Variants in ZFHX3 observed in about 807,000 individuals in gnomAD.
ZFHX3 encodes the protein zinc finger homeobox protein 3.
A neutral mutation model predicts 279.1 loss-of-function variants in ZFHX3; 42 were observed. The ratio of observed to expected loss-of-function variants is 0.15; its 90% CI spans 0.12 to 0.19. ZFHX3 has a LOEUF of 0.19. ZFHX3 is among the 10% of genes least tolerant of loss of function. The pLI, the probability that ZFHX3 is intolerant of heterozygous loss-of-function variation, is 1.00. For missense variants in ZFHX3, 4,981 were observed against 4,754.0 expected (o/e 1.05, Z -1.40); for synonymous variants, 2,293 against 1,957.8 (o/e 1.17, Z -4.52).
intron 2 of ZFHX3, among the ~76,000 whole-genome samples, chr16:73,588,966 A>T (rs1289165709): frequency 1.3e-5 from 2 of 151,938 alleles, no homozygotes; most frequent in African/African-American, 2.4e-5. Context: ...AATTGATTTT[A>T]AAAAATGACC....
intron 1 of ZFHX3, among the ~76,000 whole-genome samples, chr16:73,740,468 C>T (rs1029223092): frequency 5.9e-5 from 9 of 152,016 alleles, no homozygotes; most frequent in African/African-American, 2.2e-4. Flanking sequence ...TTCCTCTAGC[C>T]CAGATCCGTC....
intron 2 of ZFHX3, among the ~76,000 whole-genome samples, chr16:73,617,114 A>G (rs139204565): frequency 6.6e-6 from 1 of 152,328 alleles, no homozygotes; most frequent in African/African-American, 2.4e-5. Flanking sequence ...AAATGCACAG[A>G]GTTCTTTCTG....
chr16:73,498,325 T>C (rs891077790), intron 2 of ZFHX3, among the ~76,000 whole-genome samples: 2 of 152,210 alleles, frequency 1.3e-5, no homozygotes, highest in Admixed American at 6.5e-5. Flanking sequence ...ATGTGGGAGC[T>C]TTCTGGAATG....
chr16:73,764,105 C>T (rs1368489357), intron 1 of ZFHX3, among the ~76,000 whole-genome samples: 1 of 152,184 alleles, frequency 6.6e-6, no homozygotes, highest in Non-Finnish European at 1.5e-5. Context: ...TTTTAAGTCA[C>T]TACATCTGTG....
rs186016614 is a variant in ZFHX3 at position 73,382,563 on chromosome 16, G to T, written c.-1290-64227C>A. ...CTGCTGTGTGGGGAATGGATTGTGG[G>T]GGGGCAGGAGGTAATCAGGAAACCA... On this transcript the variant is annotated intron_variant, in intron 3 of 17. Coordinates refer to the ZFHX3 transcript ENST00000641206. Among the ~76,000 whole-genome samples the T allele has an allele frequency of 2.3e-3, 346 of 152,286 alleles. 1 individual carries two copies. The highest frequency in any genetic ancestry group is 3.7e-3 in the Non-Finnish European group (250 of 68,016).
intron 2 of ZFHX3, among the ~76,000 whole-genome samples, chr16:73,637,498 G>C (rs1184479537): frequency 6.6e-6 from 1 of 152,036 alleles, no homozygotes; most frequent in East Asian, 1.9e-4. Flanking sequence ...CTCCCAAAGT[G>C]CTTGGATTAC....
chr16:73,478,264 CAAAAAAAAAAAA>C (rs1162656010), intron 2 of ZFHX3, among the ~76,000 whole-genome samples: 2 of 61,594 alleles, frequency 3.2e-5, no homozygotes, highest in Non-Finnish European at 6.8e-5. Flanking sequence ...GACTCCATCT[CAAAAAAAAAAAA>C]AAAAAAAAAG....
At chr16:73,025,563 T>C (rs1452376312) in intron 1 of ZFHX3, among the ~76,000 whole-genome samples, 2 of 152,144 alleles carry the variant, frequency 1.3e-5, no homozygotes, top group Non-Finnish European at 2.9e-5. Context: ...GAAAATACAC[T>C]TTCCACTTGG....
chr16:73,642,395 C>T (rs1476136014), intron 2 of ZFHX3, among the ~76,000 whole-genome samples: 1 of 152,154 alleles, frequency 6.6e-6, no homozygotes, highest in East Asian at 1.9e-4. Flanking sequence ...TCTCTTTTTA[C>T]TTCTGTCATA....
At chr16:73,785,168 T>C (rs1280774644) in intron 1 of ZFHX3, among the ~76,000 whole-genome samples, 1 of 152,208 alleles carries the variant, frequency 6.6e-6, no homozygotes, top group African/African-American at 2.4e-5. Context: ...ACAATACTAT[T>C]TGCTGTATAC....
intron 2 of ZFHX3, among the ~76,000 whole-genome samples, chr16:73,575,885 G>A (rs2143814247): frequency 6.6e-6 from 1 of 152,250 alleles, no homozygotes; most frequent in East Asian, 1.9e-4. Flanking sequence ...TTCACACCGC[G>A]ATGATTGTGT....
At chr16:73,554,258 T>C (rs944435604) in intron 2 of ZFHX3, 2 of 152,192 alleles carry the variant, frequency 1.3e-5, no homozygotes, top group Admixed American at 1.3e-4. Context: ...TTTTTTTTTC[T>C]TTTCCTTGTA....
At chr16:73,279,610 G>A (rs187605362) in intron 4 of ZFHX3, among the ~76,000 whole-genome samples, 3 of 152,114 alleles carry the variant, frequency 2.0e-5, no homozygotes, top group Admixed American at 6.6e-5. Flanking sequence ...AAGGCAATCC[G>A]GTCTTTTCGT....
At chr16:73,102,939 T>C (rs941779534) in intron 7 of ZFHX3, among the ~76,000 whole-genome samples, 1 of 152,146 alleles carries the variant, frequency 6.6e-6, no homozygotes, top group Non-Finnish European at 1.5e-5. Context: ...TTGTTTGTTT[T>C]TTTGAGACAG....
At chr16:73,869,794 G>C (rs528669654) in intron 1 of ZFHX3, among the ~76,000 whole-genome samples, 1 of 152,170 alleles carries the variant, frequency 6.6e-6, no homozygotes, top group Admixed American at 6.5e-5. Context: ...ACTTCATAAT[G>C]TTTAACCGGG....
chr16:73,434,681 T>C (rs1397170570), intron 3 of ZFHX3, among the ~76,000 whole-genome samples: 2 of 152,154 alleles, frequency 1.3e-5, no homozygotes, highest in Admixed American at 6.5e-5. Context: ...GATAACATCA[T>C]TGAGGTTGAT....
At chr16:73,160,564 CATCT>C (rs570197065) in intron 5 of ZFHX3, among the ~76,000 whole-genome samples, 1 of 152,204 alleles carries the variant, frequency 6.6e-6, no homozygotes, top group South Asian at 2.1e-4. Flanking sequence ...AGCCTCCCTC[CATCT>C]ACATAGAGGG....
intron 2 of ZFHX3, among the ~76,000 whole-genome samples, chr16:73,528,986 A>G (rs2019744763): frequency 6.6e-6 from 1 of 152,228 alleles, no homozygotes; most frequent in Non-Finnish European, 1.5e-5. Flanking sequence ...TTAACAATTA[A>G]TAAGCTAGGG....
chr16:72,905,066 C>T (rs546211002), intron 3 of ZFHX3, among the ~76,000 whole-genome samples: 1 of 152,210 alleles, frequency 6.6e-6, no homozygotes, highest in South Asian at 2.1e-4. Context: ...TCTCGAACTC[C>T]TAACCTCAAG....
Sources: allele counts gnomAD v4.1 joint callset (sites outside exome capture counted in the v4.1 genomes callset), GRCh38; gene constraint gnomAD v4.1.1; transcripts MANE v1.5; gene names NCBI Gene and HGNC (gene_info 2026-07-23, HGNC 2026-07-21).